The following GRAMD1B variants were observed in gnomAD, a reference collection of about 807,000 sequenced individuals.
GRAMD1B encodes GRAM domain containing 1B.
In GRAMD1B, 37 loss-of-function variants were observed where a neutral mutation model predicts 99.7. The observed-to-expected ratio is 0.37, with a 90% CI of 0.29 to 0.49. The LOEUF is 0.49. GRAMD1B is among the 20% of genes least tolerant of loss of function. The probability of loss-of-function intolerance (pLI) is 0.98; values close to 1 mark genes in which losing one functional copy is unlikely to be tolerated. For missense variants in GRAMD1B, 888 were observed against 1,009.2 expected (o/e 0.88, Z 1.63); for synonymous variants, 427 against 387.6 (o/e 1.10, Z -1.19).
chr11:123,544,560 A>T (rs954429146), intron 2 of GRAMD1B, among the ~76,000 whole-genome samples: 1 of 152,022 alleles, frequency 6.6e-6, no homozygotes, highest in African/African-American at 2.4e-5. Flanking sequence ...TGGCTTTCCA[A>T]CCTTGCTCCA....
At chr11:123,396,283 T>G (rs1383700364) in intron 1 of GRAMD1B, among the ~76,000 whole-genome samples, 2 of 149,634 alleles carry the variant, frequency 1.3e-5, no homozygotes, top group Admixed American at 6.7e-5. Context: ...CTTCTTCTTC[T>G]TTTTTTTTTG....
In GRAMD1B at chr11:123,592,332, G is replaced by A. The variant is rs1045786615; in HGVS notation, c.685-1750G>A. On this transcript the variant is annotated intron_variant, in intron 4 of 19. Transcript: ENST00000635736. ...CCTCCAGAGGCAGCACAGAGTAGGG[G>A]CTCAGACAGCACTGAGTCAGACTGC... Among the ~76,000 whole-genome samples, 4 of 152,314 alleles carry A rather than the reference G, an allele frequency of 2.6e-5. No individual in the cohort carries two copies. In the East Asian group the frequency reaches 7.7e-4, roughly 29 times the overall value.
chr11:123,571,488 G>A lies in GRAMD1B; in HGVS notation c.453-5879G>A, dbSNP rs116835960. Among the ~76,000 whole-genome samples, 268 of 152,308 alleles carry A rather than the reference G, an allele frequency of 1.8e-3. 3 individuals are homozygous for A. Among genetic ancestry groups the A allele is most frequent in the African/African-American group, 6.3e-3 (261 of 41,564 alleles). ...TATAGGAGGTAGGATCAAACCATAG[G>A]TAGCATGAGATACTGTGATCAGACT... On this transcript the variant is annotated intron_variant, in intron 2 of 19. Coordinates refer to ENST00000635736, the MANE Select transcript of GRAMD1B (RefSeq NM_001387025.1).
intron 2 of GRAMD1B, among the ~76,000 whole-genome samples, chr11:123,557,849 C>A (rs1334140184): frequency 1.3e-5 from 2 of 152,050 alleles, no homozygotes. Flanking sequence ...AAAGTCCCCT[C>A]AAAATTAGCA....
chr11:123,603,826 C>T (rs1353160671), intron 9 of GRAMD1B, among the ~76,000 whole-genome samples: 1 of 152,146 alleles, frequency 6.6e-6, no homozygotes, highest in Non-Finnish European at 1.5e-5. Context: ...CTGGTCTTTG[C>T]ACTGAAAATA....
intron 1 of GRAMD1B, among the ~76,000 whole-genome samples, chr11:123,438,944 G>A (rs1162340236): frequency 6.6e-6 from 1 of 152,222 alleles, no homozygotes; most frequent in Non-Finnish European, 1.5e-5. Flanking sequence ...GCCAAGGCTG[G>A]CCCGGAGAGC....
chr11:123,386,587 G>A (rs1046064020), intron 1 of GRAMD1B, among the ~76,000 whole-genome samples: 4 of 151,988 alleles, frequency 2.6e-5, no homozygotes, highest in South Asian at 2.1e-4. Flanking sequence ...ACAGGCACCA[G>A]CCACCACACC....
intron 1 of GRAMD1B, chr11:123,460,299 T>C (rs567840284): frequency 6.6e-6 from 1 of 152,256 alleles, no homozygotes; most frequent in African/African-American, 2.4e-5. Flanking sequence ...TGGAAACAGA[T>C]GAATTATAGT....
intron 2 of GRAMD1B, among the ~76,000 whole-genome samples, chr11:123,553,825 A>G (rs1199243128): frequency 6.6e-6 from 1 of 152,150 alleles, no homozygotes; most frequent in Non-Finnish European, 1.5e-5. Context: ...GGAAAGAGTT[A>G]TTTAATAGGG....
At chr11:123,546,928 TGAACCCAGAATGACCAGTAGGAGCAGG>T (rs1945090559) in intron 2 of GRAMD1B, among the ~76,000 whole-genome samples, 1 of 152,166 alleles carries the variant, frequency 6.6e-6, no homozygotes, top group Non-Finnish European at 1.5e-5. Context: ...TTGGTTGCTC[TGAACCCAGAATGACCAGTAGGAGCAGG>T]GCCTCAGTGG....
intron 1 of GRAMD1B, among the ~76,000 whole-genome samples, chr11:123,363,243 T>C (rs1946205467): frequency 6.6e-6 from 1 of 152,238 alleles, no homozygotes; most frequent in African/African-American, 2.4e-5. Flanking sequence ...ATTCTATTTT[T>C]ATATTTTGCA....
At chr11:123,369,250 A>G (rs1236057050) in intron 1 of GRAMD1B, among the ~76,000 whole-genome samples, 2 of 152,094 alleles carry the variant, frequency 1.3e-5, no homozygotes, top group African/African-American at 4.8e-5. Flanking sequence ...GCAGTGAGCT[A>G]TGATCACACC....
chr11:123,432,553 C>T, intron 1 of GRAMD1B, among the ~76,000 whole-genome samples: 1 of 83,268 alleles, frequency 1.2e-5, no homozygotes, highest in Non-Finnish European at 2.5e-5. Flanking sequence ...GAGACTCTGT[C>T]TCAAAAAAAA....
intron 1 of GRAMD1B, among the ~76,000 whole-genome samples, chr11:123,476,108 C>CTTT (rs35617846): frequency 6.9e-6 from 1 of 145,086 alleles, no homozygotes; most frequent in Non-Finnish European, 1.5e-5. Flanking sequence ...CATTTAACTT[C>CTTT]TTTTTTTTTT....
intron 1 of GRAMD1B, among the ~76,000 whole-genome samples, chr11:123,375,359 G>A (rs2135754579): frequency 6.6e-6 from 1 of 152,124 alleles, no homozygotes; most frequent in African/African-American, 2.4e-5. Flanking sequence ...AGGAGTTTGA[G>A]ACCAGCCTGG....
intron 1 of GRAMD1B, among the ~76,000 whole-genome samples, chr11:123,447,201 C>A (rs1010668070): frequency 1.3e-5 from 2 of 152,196 alleles, no homozygotes; most frequent in African/African-American, 4.8e-5. Flanking sequence ...ACCTATTTCA[C>A]TCACACTCAG....
At chr11:123,537,356 C>G (rs1944070025) in intron 2 of GRAMD1B, among the ~76,000 whole-genome samples, 1 of 152,180 alleles carries the variant, frequency 6.6e-6, no homozygotes, top group South Asian at 2.1e-4. Flanking sequence ...CCTGAAGTGA[C>G]CTCAACTGTC....
intron 2 of GRAMD1B, among the ~76,000 whole-genome samples, chr11:123,548,325 T>TACACACACACACACACACACACAC (rs138083511): frequency 3.5e-5 from 3 of 86,902 alleles, no homozygotes; most frequent in African/African-American, 1.0e-4. Context: ...TATATATATA[T>TACACACACACACACACACACACAC]ACACACACAC....
chr11:123,391,938 G>A (rs1015380083), intron 1 of GRAMD1B, among the ~76,000 whole-genome samples: 1 of 152,218 alleles, frequency 6.6e-6, no homozygotes, highest in Non-Finnish European at 1.5e-5. Flanking sequence ...CAAAATGTCA[G>A]GAGATTAGTG....
Sources: gnomAD v4.1 joint callset for allele counts (sites outside exome capture counted in the v4.1 genomes callset) on GRCh38, gnomAD v4.1.1 for gene constraint, MANE v1.5 for transcripts, NCBI Gene and HGNC (gene_info 2026-07-23, HGNC 2026-07-21) for gene names.